The following TGFBR3 variants were observed in gnomAD, a reference collection of about 807,000 sequenced individuals.
The protein encoded by TGFBR3 is transforming growth factor beta receptor 3.
A neutral mutation model predicts 87.9 loss-of-function variants in TGFBR3; 46 were observed. The observed-to-expected ratio is 0.52, with a 90% confidence interval of 0.41 to 0.67. The LOEUF (loss-of-function observed/expected upper bound fraction) is 0.67. TGFBR3 is among the 30% of genes least tolerant of loss of function. The pLI, the probability that TGFBR3 is intolerant of heterozygous loss-of-function variation, is 0.00. For synonymous variants in TGFBR3, 381 were observed against 391.6 expected, an observed-to-expected ratio of 0.97 and a Z score of 0.32; for missense variants, 866 against 1,041.9, an observed-to-expected ratio of 0.83 and a Z score of 2.32.
At chr1:91,854,700 ATGTACACCATAAATATATACAATTT>A (rs1363368303) in intron 2 of TGFBR3, among the ~76,000 whole-genome samples, 3 of 151,960 alleles carry the variant, frequency 2.0e-5, no homozygotes, top group Admixed American at 6.6e-5. Flanking sequence ...AAACATCATG[ATGTACACCATAAATATATACAATTT>A]TTATTTGTCA....
At chr1:91,901,929 C>T (rs1167851512) in intron 1 of TGFBR3, among the ~76,000 whole-genome samples, 4 of 137,992 alleles carry the variant, frequency 2.9e-5, no homozygotes, top group Non-Finnish European at 4.7e-5. Flanking sequence ...GACCCTCCCC[C>T]ACCCCACCAA....
intron 2 of TGFBR3, among the ~76,000 whole-genome samples, chr1:91,823,515 T>C (rs1676525786): frequency 2.0e-5 from 3 of 152,212 alleles, no homozygotes; most frequent in South Asian, 2.1e-4. Flanking sequence ...GGTATATCCA[T>C]ACCGCGGAAA....
chr1:91,716,045 T>C (rs923362524), intron 12 of TGFBR3, among the ~76,000 whole-genome samples, 191 bp downstream of exon 12: 6 of 152,140 alleles, frequency 3.9e-5, no homozygotes, highest in African/African-American at 1.4e-4. Context: ...GCATAATGTA[T>C]TAAATCTTGA....
chr1:91,699,980 A>T (rs932119050), intron 14 of TGFBR3, among the ~76,000 whole-genome samples: 1 of 152,244 alleles, frequency 6.6e-6, no homozygotes, highest in African/African-American at 2.4e-5. Flanking sequence ...GATTTTTTAA[A>T]AATCAAAAAA....
In TGFBR3 at chr1:91,797,381, C is replaced by A; in HGVS notation, c.152G>T (p.Gly51Val). Reference protein sequence around the residue: ...ALMESFTVLSGCASRGTTGLP... With the variant: ...ALMESFTVLSVCASRGTTGLP... Reference sequence around the variant, plus strand: ...CCCAGTTGTGCCTCTGCTGGCACAGCCTGACAAAACAGTGAAGCTCTCCAT... The same window carrying A: ...CCCAGTTGTGCCTCTGCTGGCACAGACTGACAAAACAGTGAAGCTCTCCAT... The change falls in exon 3 of 17, where the codon GGC becomes GTC. Residue 51 changes from glycine to valine, a missense_variant. By Grantham distance (109) the Gly-to-Val change is moderately radical. Coordinates refer to ENST00000212355, the MANE Select transcript of TGFBR3 (RefSeq NM_003243.5). 1 of 1,614,214 alleles carries A rather than the reference C, an allele frequency of 6.2e-7. No homozygotes were observed. Among genetic ancestry groups the A allele is most frequent in the South Asian group, 1.1e-5 (1 of 91,088 alleles).
At chr1:91,867,931 T>C (rs191458927) in intron 1 of TGFBR3, among the ~76,000 whole-genome samples, 61 of 152,352 alleles carry the variant, frequency 4.0e-4, no homozygotes, top group Admixed American at 1.9e-3. Context: ...TTATTCTTTC[T>C]TTTTTGAGAT....
At chr1:91,799,587 C>A (rs17574203) in intron 2 of TGFBR3, among the ~76,000 whole-genome samples, 16,240 of 152,214 alleles carry the variant, frequency 0.11, 944 homozygotes, top group Non-Finnish European at 0.13. Context: ...ACTGGGAAAC[C>A]CTTCTGAACT....
intron 16 of TGFBR3, among the ~76,000 whole-genome samples, chr1:91,684,211 C>T (rs112368649): frequency 0.012 from 1,808 of 152,266 alleles, 43 homozygotes; most frequent in African/African-American, 0.04. Flanking sequence ...TGACCAGCAC[C>T]TGTATTCAGG....
rs746368140 is a variant in TGFBR3, at chr1:91,695,683, T to C, written c.2426A>G (p.Tyr809Cys). The C allele has an allele frequency of 2.3e-5, 37 of 1,613,950 alleles. No individual in the cohort carries two copies. Among genetic ancestry groups the C allele is most frequent in the South Asian group, 5.5e-5 (5 of 91,084 alleles). ...ACAGTCACACTAACCTGTGTGAGAA[T>C]AGATGTACCACAAGGCCCCCGTCAG... is the stretch of plus-strand genomic sequence containing the variant. Reference protein sequence around the residue: ...ALLTGALWYIYSHTGETAGRQ... With the variant: ...ALLTGALWYICSHTGETAGRQ... Residue 809 changes from tyrosine (Y) to cysteine (C), a missense_variant, in exon 16 of 17, where the codon TAT (tyrosine) becomes TGT (cysteine). Coordinates refer to ENST00000212355, the MANE Select transcript of TGFBR3 (RefSeq NM_003243.5).
chr1:91,856,304 A>G (rs559440954), intron 2 of TGFBR3, among the ~76,000 whole-genome samples: 5 of 152,116 alleles, frequency 3.3e-5, no homozygotes, highest in South Asian at 2.1e-4. Context: ...CTGACCTCGT[A>G]ATCTGCCCGC....
At chr1:91,858,588 C>T (rs990809971) in intron 2 of TGFBR3, among the ~76,000 whole-genome samples, 5 of 121,312 alleles carry the variant, frequency 4.1e-5, no homozygotes, top group South Asian at 2.9e-4. Flanking sequence ...GCACTGTAGC[C>T]GGGGCGAGTG....
At chr1:91,827,935 C>T (rs1676704268) in intron 2 of TGFBR3, among the ~76,000 whole-genome samples, 1 of 152,206 alleles carries the variant, frequency 6.6e-6, no homozygotes, top group African/African-American at 2.4e-5. Context: ...ACAGGCATAA[C>T]TCCCAACGGA....
chr1:91,757,328 G>A (rs1187891521), intron 4 of TGFBR3, among the ~76,000 whole-genome samples: 2 of 152,156 alleles, frequency 1.3e-5, no homozygotes, highest in Non-Finnish European at 2.9e-5. Context: ...TCATTTATAG[G>A]CACACAGCGT....
intron 1 of TGFBR3, among the ~76,000 whole-genome samples, chr1:91,903,027 T>TAAA (rs57978972): frequency 3.7e-5 from 5 of 134,126 alleles, no homozygotes; most frequent in Non-Finnish European, 7.9e-5. Flanking sequence ...GCACCTCACT[T>TAAA]AAAAAAAAAA....
intron 3 of TGFBR3, among the ~76,000 whole-genome samples, chr1:91,789,080 A>G (rs757662538): frequency 2.0e-4 from 31 of 152,266 alleles, no homozygotes; most frequent in Admixed American, 1.6e-3. Flanking sequence ...GACGGATCAC[A>G]AGGTCAAGAG....
chr1:91,887,960 T>C (rs1679369850), upstream of TGFBR3, among the ~76,000 whole-genome samples: 1 of 152,216 alleles, frequency 6.6e-6, no homozygotes, highest in Non-Finnish European at 1.5e-5. Flanking sequence ...AATTAAACAG[T>C]ATTTGATATG....
chr1:91,842,198 G>A (rs1677314967), intron 2 of TGFBR3, among the ~76,000 whole-genome samples: 1 of 152,150 alleles, frequency 6.6e-6, no homozygotes, highest in Admixed American at 6.6e-5. Context: ...CATTTTAGTG[G>A]GGGAAGATAA....
At chr1:91,781,061 A>G (rs1236719081) in intron 3 of TGFBR3, among the ~76,000 whole-genome samples, 1 of 152,176 alleles carries the variant, frequency 6.6e-6, no homozygotes, top group East Asian at 1.9e-4. Flanking sequence ...CCATGCCGTA[A>G]GCTGTGGTCC....
intron 3 of TGFBR3, among the ~76,000 whole-genome samples, chr1:91,781,017 C>T (rs887383482): frequency 6.6e-6 from 1 of 151,966 alleles, no homozygotes; most frequent in Admixed American, 6.6e-5. Flanking sequence ...TGTGAACAGT[C>T]ACAAGGCACA....
Sources: gnomAD v4.1 joint callset for allele counts (sites outside exome capture counted in the v4.1 genomes callset) on GRCh38, gnomAD v4.1.1 for gene constraint, MANE v1.5 for transcripts, NCBI Gene and HGNC (gene_info 2026-07-23, HGNC 2026-07-21) for gene names.